The following KCNK2 variants were observed in gnomAD, a reference collection of about 807,000 sequenced individuals.
The protein encoded by KCNK2 is potassium two pore domain channel subfamily K member 2.
In KCNK2, 21 loss-of-function variants were observed where a neutral mutation model predicts 40.5. That is an observed-to-expected ratio of 0.52 (90% CI 0.37 to 0.75). KCNK2 has a LOEUF of 0.75. KCNK2 is among the 30% of genes least tolerant of loss of function. KCNK2 has a pLI of 0.00. For synonymous variants in KCNK2, 191 were observed against 202.2 expected (o/e 0.94, Z 0.47); for missense variants, 399 against 531.6 (o/e 0.75, Z 2.45).
intron 3 of KCNK2, among the ~76,000 whole-genome samples, chr1:215,130,035 G>T (rs1346087863): frequency 6.6e-6 from 1 of 152,158 alleles, no homozygotes; most frequent in Non-Finnish European, 1.5e-5. Context: ...TTATGCTAAT[G>T]AGGTGACTAC....
intron 1 of KCNK2, among the ~76,000 whole-genome samples, chr1:215,033,328 CAATTTGA>C (rs1657271177): frequency 6.6e-6 from 1 of 151,976 alleles, no homozygotes; most frequent in African/African-American, 2.4e-5. Context: ...TTCAAATTCC[CAATTTGA>C]TCATCTCAGC....
chr1:215,011,817 A>T (rs186408457), intron 1 of KCNK2, among the ~76,000 whole-genome samples: 3 of 148,942 alleles, frequency 2.0e-5, no homozygotes, highest in Non-Finnish European at 4.5e-5. Flanking sequence ...CATGTTGGTC[A>T]GGATGGTCTT....
chr1:215,099,411 T>A (rs1571907717), intron 2 of KCNK2, among the ~76,000 whole-genome samples: 4 of 151,980 alleles, frequency 2.6e-5, no homozygotes, highest in African/African-American at 9.7e-5. Flanking sequence ...TTCTTTTGGA[T>A]TTATTATACA....
At chr1:215,034,780 T>C (rs1274211077) in intron 1 of KCNK2, among the ~76,000 whole-genome samples, 1 of 152,162 alleles carries the variant, frequency 6.6e-6, no homozygotes, top group Non-Finnish European at 1.5e-5. Flanking sequence ...TTAATATTGC[T>C]TTATCTTTGG....
chr1:215,209,923 T>C, intron 6 of KCNK2, among the ~76,000 whole-genome samples: 1 of 58,322 alleles, frequency 1.7e-5, no homozygotes, highest in African/African-American at 7.0e-5. Context: ...GTAGTTTGCA[T>C]ACTGCACTTC....
intron 2 of KCNK2, among the ~76,000 whole-genome samples, chr1:215,112,867 T>C (rs1424337135): frequency 1.3e-5 from 2 of 152,276 alleles, no homozygotes; most frequent in East Asian, 3.9e-4. Flanking sequence ...GGAAGTACTC[T>C]CTATGATGTT....
intron 3 of KCNK2, among the ~76,000 whole-genome samples, chr1:215,155,781 A>G (rs982168975): frequency 2.6e-5 from 4 of 152,154 alleles, no homozygotes; most frequent in African/African-American, 7.2e-5. Flanking sequence ...GGCCTCCCAA[A>G]GTGCTGGGAT....
intron 6 of KCNK2, among the ~76,000 whole-genome samples, chr1:215,210,269 A>C (rs1372866827): frequency 1.3e-5 from 2 of 151,202 alleles, no homozygotes; most frequent in Non-Finnish European, 2.9e-5. Context: ...TGATGAATGG[A>C]TTTAACTTAA....
intron 1 of KCNK2, among the ~76,000 whole-genome samples, chr1:215,049,544 G>A (rs969044449): frequency 3.3e-5 from 5 of 152,002 alleles, no homozygotes; most frequent in Admixed American, 1.3e-4. Flanking sequence ...TGTGCTTTTT[G>A]TGTCAAGTCA....
At chr1:215,200,865 T>C (rs1432673114) in intron 6 of KCNK2, among the ~76,000 whole-genome samples, 1 of 152,192 alleles carries the variant, frequency 6.6e-6, no homozygotes. Flanking sequence ...AGATTTTGCG[T>C]AAATTGGAGC....
intron 5 of KCNK2, among the ~76,000 whole-genome samples, chr1:215,175,762 G>C (rs1663939760): frequency 6.6e-6 from 1 of 152,046 alleles, no homozygotes; most frequent in African/African-American, 2.4e-5. Context: ...TTGGTTTTCT[G>C]TTCTTGCATT....
intron 6 of KCNK2, among the ~76,000 whole-genome samples, chr1:215,213,334 C>T (rs958220541): frequency 6.6e-5 from 10 of 152,212 alleles, no homozygotes; most frequent in Admixed American, 2.6e-4. Flanking sequence ...CTGGGCTGGG[C>T]GCAGTGGCTC....
At chr1:215,173,750 T>C (rs1353571862) in intron 5 of KCNK2, among the ~76,000 whole-genome samples, 2 of 152,244 alleles carry the variant, frequency 1.3e-5, no homozygotes, top group Non-Finnish European at 2.9e-5. Context: ...ATGTGTCTTT[T>C]GGCTGCATAA....
chr1:215,098,621 TC>T (rs1463236296), intron 2 of KCNK2, among the ~76,000 whole-genome samples: 1 of 152,036 alleles, frequency 6.6e-6, no homozygotes, highest in Non-Finnish European at 1.5e-5. Context: ...TTACACTTAC[TC>T]TTCAAATATA....
At chr1:215,152,296 C>G (rs1662719756) in intron 3 of KCNK2, among the ~76,000 whole-genome samples, 1 of 152,062 alleles carries the variant, frequency 6.6e-6, no homozygotes, top group South Asian at 2.1e-4. Flanking sequence ...ACATATGGCA[C>G]TACCAGAAAA....
At chr1:215,107,739 T>C (rs1355515220) in intron 2 of KCNK2, among the ~76,000 whole-genome samples, 2 of 152,134 alleles carry the variant, frequency 1.3e-5, no homozygotes, top group Admixed American at 6.6e-5. Flanking sequence ...ATATTTTGGG[T>C]ATAAATCTCT....
At chr1:215,110,657 AT>A (rs771071368) in intron 2 of KCNK2, among the ~76,000 whole-genome samples, 1 of 152,014 alleles carries the variant, frequency 6.6e-6, no homozygotes, top group South Asian at 2.1e-4. Flanking sequence ...AATCCCAAAC[AT>A]TTTTTTAAAA....
intron 6 of KCNK2, among the ~76,000 whole-genome samples, chr1:215,211,399 A>G (rs1053958040): frequency 5.3e-5 from 8 of 152,056 alleles, no homozygotes; most frequent in South Asian, 2.1e-4. Context: ...CCACTTGTCA[A>G]TGGGGCCCAC....
Position 215,230,528 on chromosome 1 carries a change from T to TACACACATAACAGCC in KCNK2, c.964-4299_964-4298insCACACATAACAGCCA, listed in dbSNP as rs1553276493. On this transcript the variant is annotated intron_variant, in intron 6 of 6. Transcript: ENST00000444842. ...GGCTGTATATATATATATATATATA[T>TACACACATAACAGCC]ATATGTATATATATACACACACATA... 3.6e-4 allele frequency among the ~76,000 whole-genome samples: 32 copies of TACACACATAACAGCC among 87,972 alleles called. 1 individual carries two copies. Among genetic ancestry groups the TACACACATAACAGCC allele is most frequent in the African/African-American group, 1.3e-3 (25 of 18,928 alleles). 57.7% of individuals were successfully genotyped at this position (87,972 alleles called of 152,430 possible). A position where few individuals can be genotyped will look rare whatever the true frequency, so the allele number is the denominator to read the frequency against.
Sources: allele counts gnomAD v4.1 joint callset (sites outside exome capture counted in the v4.1 genomes callset), GRCh38; gene constraint gnomAD v4.1.1; transcripts MANE v1.5; gene names NCBI Gene and HGNC (gene_info 2026-07-23, HGNC 2026-07-21).